Variants in SLC25A21 observed in about 807,000 individuals in gnomAD.
The protein encoded by SLC25A21 is solute carrier family 25 member 21.
Under a neutral mutation model 43.8 loss-of-function variants are expected in SLC25A21, and 47 were observed. The observed-to-expected ratio is 1.07, with a 90% confidence interval of 0.85 to 1.37. SLC25A21 has a LOEUF of 1.37. Among genes scored for constraint, SLC25A21 ranks in the 40% most tolerant of loss-of-function variants. The pLI is 0.00. For missense variants in SLC25A21, 352 were observed against 350.2 expected (o/e 1.00, Z -0.04); for synonymous variants, 131 against 121.3 (o/e 1.08, Z -0.52).
At chr14:37,017,672 T>G (rs1422691999) in intron 1 of SLC25A21, among the ~76,000 whole-genome samples, 2 of 152,112 alleles carry the variant, frequency 1.3e-5, no homozygotes, top group East Asian at 3.8e-4. Flanking sequence ...AAATGAAGTA[T>G]GCCTGTATCT....
intron 3 of SLC25A21, among the ~76,000 whole-genome samples, chr14:36,737,793 T>C (rs1323791370): frequency 6.6e-6 from 1 of 152,124 alleles, no homozygotes; most frequent in Non-Finnish European, 1.5e-5. Context: ...AAAGTCAATC[T>C]GCAGTGATAA....
intron 1 of SLC25A21, among the ~76,000 whole-genome samples, chr14:36,881,518 C>T (rs961920492): frequency 2.6e-5 from 4 of 152,112 alleles, no homozygotes; most frequent in Non-Finnish European, 5.9e-5. Context: ...TGAGGTTGTT[C>T]TTTTTCATTT....
At chr14:36,801,981 G>A (rs1012097163) in intron 3 of SLC25A21, among the ~76,000 whole-genome samples, 12 of 152,106 alleles carry the variant, frequency 7.9e-5, no homozygotes, top group South Asian at 4.1e-4. Context: ...TGCCAGCGGC[G>A]AAGTGCCCGA....
intron 1 of SLC25A21, among the ~76,000 whole-genome samples, chr14:36,933,172 G>C (rs1214273461): frequency 6.6e-6 from 1 of 152,144 alleles, no homozygotes; most frequent in African/African-American, 2.4e-5. Context: ...CTGCATGACT[G>C]ACAGTTCCTC....
Position 36,762,096 on chromosome 14 carries a change from C to T in SLC25A21, c.204-27523G>A, listed in dbSNP as rs148291372. Among the ~76,000 whole-genome samples the T allele has an allele frequency of 4.4e-4, 67 of 152,176 alleles. 1 individual carries two copies. The highest frequency in any genetic ancestry group is 1.4e-3 in the African/African-American group (59 of 41,520). On this transcript the variant is annotated intron_variant, in intron 3 of 9. Coordinates refer to ENST00000331299, the MANE Select transcript of SLC25A21 (RefSeq NM_030631.4). ...AGGTACCATGCAGGGATAAACATAG[C>T]GAAGGCAACACCACCAATGCTAGCC...
intron 1 of SLC25A21, among the ~76,000 whole-genome samples, chr14:37,031,432 T>A (rs1044038966): frequency 6.6e-6 from 1 of 152,236 alleles, no homozygotes; most frequent in Non-Finnish European, 1.5e-5. Flanking sequence ...AAATTTAGAA[T>A]ATAAAATGTG....
chr14:36,712,891 G>A (rs1221170571), intron 6 of SLC25A21, among the ~76,000 whole-genome samples: 1 of 152,062 alleles, frequency 6.6e-6, no homozygotes, highest in East Asian at 1.9e-4. Context: ...TTATTTTTTG[G>A]TTTTCAAAAG....
At chr14:36,925,336 G>A (rs1892101629) in intron 1 of SLC25A21, among the ~76,000 whole-genome samples, 1 of 152,082 alleles carries the variant, frequency 6.6e-6, no homozygotes, top group South Asian at 2.1e-4. Flanking sequence ...TGCTGTCTAG[G>A]AGAAACCCAC....
At chr14:36,853,907 T>C (rs1255228279) in intron 2 of SLC25A21, among the ~76,000 whole-genome samples, 1 of 152,218 alleles carries the variant, frequency 6.6e-6, no homozygotes. Flanking sequence ...TTTTTCCCCC[T>C]TCTATATAAA....
chr14:36,815,300 A>G (rs1190076656), intron 2 of SLC25A21, among the ~76,000 whole-genome samples: 1 of 152,154 alleles, frequency 6.6e-6, no homozygotes, highest in East Asian at 1.9e-4. Context: ...ACAAATCTGC[A>G]CGTTCTGCAT....
chr14:36,951,287 C>T (rs1217633229), intron 1 of SLC25A21, among the ~76,000 whole-genome samples: 2 of 149,674 alleles, frequency 1.3e-5, no homozygotes, highest in African/African-American at 4.9e-5. Flanking sequence ...GCAATCAATT[C>T]TGTTTAGAAA....
At chr14:36,963,615 A>G (rs1959546714) in intron 1 of SLC25A21, among the ~76,000 whole-genome samples, 1 of 152,168 alleles carries the variant, frequency 6.6e-6, no homozygotes. Flanking sequence ...CTAGTGGAAC[A>G]CGGGGCCGCT....
intron 3 of SLC25A21, among the ~76,000 whole-genome samples, chr14:36,790,953 T>C (rs1332762178): frequency 5.3e-5 from 8 of 152,062 alleles, no homozygotes; most frequent in African/African-American, 1.9e-4. Flanking sequence ...CATTTAATAA[T>C]AGAGTCCAAA....
chr14:36,820,051 G>T (rs2138458269), intron 2 of SLC25A21, among the ~76,000 whole-genome samples: 1 of 152,218 alleles, frequency 6.6e-6, no homozygotes, highest in South Asian at 2.1e-4. Context: ...GGGGTGCTTT[G>T]GGAGAGGGAA....
intron 1 of SLC25A21, among the ~76,000 whole-genome samples, chr14:36,894,299 C>T (rs904628841): frequency 5.9e-5 from 9 of 152,142 alleles, no homozygotes; most frequent in African/African-American, 2.2e-4. Flanking sequence ...CTCTTTGAAG[C>T]AATTGTGAAT....
intron 1 of SLC25A21, among the ~76,000 whole-genome samples, chr14:37,137,290 C>T (rs1239341840): frequency 6.6e-6 from 1 of 152,088 alleles, no homozygotes; most frequent in Non-Finnish European, 1.5e-5. Flanking sequence ...AGCCACCGCG[C>T]CCAGCTGGCA....
At chr14:36,696,741 G>A (rs990180460) in intron 7 of SLC25A21, among the ~76,000 whole-genome samples, 1 of 152,112 alleles carries the variant, frequency 6.6e-6, no homozygotes, top group Non-Finnish European at 1.5e-5. Context: ...ATTTCTGTGG[G>A]ATCGGTGCTG....
chr14:36,922,525 C>T (rs1892009305), intron 1 of SLC25A21, among the ~76,000 whole-genome samples: 1 of 126,694 alleles, frequency 7.9e-6, no homozygotes. Flanking sequence ...TTCAGAAATC[C>T]TCATAAAGGC....
At chr14:36,930,644 A>G (rs12433570) in intron 1 of SLC25A21, among the ~76,000 whole-genome samples, 1 of 152,094 alleles carries the variant, frequency 6.6e-6, no homozygotes, top group Middle Eastern at 3.2e-3. Flanking sequence ...TATAGTGTAC[A>G]CCACAACCAT....
Sources: gnomAD v4.1 joint callset for allele counts (sites outside exome capture counted in the v4.1 genomes callset) on GRCh38, gnomAD v4.1.1 for gene constraint, MANE v1.5 for transcripts, NCBI Gene and HGNC (gene_info 2026-07-23, HGNC 2026-07-21) for gene names.